The following DPYD variants were observed in gnomAD, a reference collection of about 807,000 sequenced individuals.
DPYD encodes dihydropyrimidine dehydrogenase [NADP(+)].
DPYD carries 109 observed loss-of-function variants against 116.2 expected under a neutral mutation model. The ratio of observed to expected loss-of-function variants is 0.94; its 90% CI spans 0.80 to 1.10. DPYD has a LOEUF of 1.10. Ranked by LOEUF, DPYD falls within the 50% of genes least tolerant of loss-of-function variation. The probability of loss-of-function intolerance (pLI) is 0.00; values close to 1 mark genes in which losing one functional copy is unlikely to be tolerated. For missense variants in DPYD, 1,302 were observed against 1,254.5 expected, an observed-to-expected ratio of 1.04 and a Z score of -0.57; for synonymous variants, 440 against 432.0, an observed-to-expected ratio of 1.02 and a Z score of -0.23.
intron 16 of DPYD, among the ~76,000 whole-genome samples, chr1:97,335,234 C>T (rs1244241499): frequency 1.3e-5 from 2 of 151,402 alleles, no homozygotes; most frequent in Non-Finnish European, 2.9e-5. Context: ...AAACTAAGCT[C>T]ATCAAATTCC....
intron 8 of DPYD, among the ~76,000 whole-genome samples, chr1:97,604,673 C>A (rs1358758960): frequency 6.6e-6 from 1 of 151,984 alleles, no homozygotes; most frequent in Non-Finnish European, 1.5e-5. Flanking sequence ...GTATTACTGT[C>A]ATATTGCTGA....
At chr1:97,218,581 T>G (rs1660570865) in intron 19 of DPYD, among the ~76,000 whole-genome samples, 1 of 150,344 alleles carries the variant, frequency 6.7e-6, no homozygotes. Flanking sequence ...ACATCCTAGA[T>G]CAAACCCAAA....
intron 12 of DPYD, among the ~76,000 whole-genome samples, chr1:97,531,134 T>C (rs1649595582): frequency 6.6e-6 from 1 of 152,220 alleles, no homozygotes; most frequent in Non-Finnish European, 1.5e-5. Context: ...TCTCACTTAA[T>C]CTCCTTTTGC....
intron 20 of DPYD, among the ~76,000 whole-genome samples, chr1:97,146,349 T>C (rs974205879): frequency 4.6e-5 from 7 of 152,182 alleles, no homozygotes; most frequent in Admixed American, 3.9e-4. Context: ...AGGGAAGATA[T>C]TATCGATAAT....
chr1:97,295,551 C>T (rs1209382532), intron 18 of DPYD: 1 of 154,586 alleles, frequency 6.5e-6, no homozygotes, highest in Admixed American at 6.6e-5. Context: ...CCACCTCAGC[C>T]TCAGGAGTAG....
At chr1:97,630,960 C>T (rs992910214) in intron 8 of DPYD, among the ~76,000 whole-genome samples, 1 of 152,094 alleles carries the variant, frequency 6.6e-6, no homozygotes, top group African/African-American at 2.4e-5. Flanking sequence ...GATACTAATA[C>T]TCCTTTGTCT....
At chr1:97,620,922 G>T (rs879504423) in intron 8 of DPYD, among the ~76,000 whole-genome samples, 1 of 151,976 alleles carries the variant, frequency 6.6e-6, no homozygotes, top group Admixed American at 6.6e-5. Context: ...CCTCTTAAGA[G>T]ATTTATCATG....
chr1:97,416,403 A>T (rs1674291913), intron 14 of DPYD, among the ~76,000 whole-genome samples: 1 of 152,232 alleles, frequency 6.6e-6, no homozygotes, highest in Non-Finnish European at 1.5e-5. Flanking sequence ...TCCTTCCAGA[A>T]TCAATGACTG....
intron 18 of DPYD, among the ~76,000 whole-genome samples, chr1:97,283,412 C>G (rs1478721124): frequency 2.6e-5 from 4 of 151,884 alleles, no homozygotes; most frequent in Non-Finnish European, 5.9e-5. Flanking sequence ...TTATGTATGT[C>G]CTTTTTCACC....
At chr1:97,604,899 A>C (rs1655488571) in intron 8 of DPYD, among the ~76,000 whole-genome samples, 1 of 152,120 alleles carries the variant, frequency 6.6e-6, no homozygotes, top group Non-Finnish European at 1.5e-5. Flanking sequence ...GACTATATTA[A>C]AACAGAGTAC....
intron 20 of DPYD, among the ~76,000 whole-genome samples, chr1:97,158,272 G>A (rs979643336): frequency 6.6e-6 from 1 of 151,712 alleles, no homozygotes; most frequent in African/African-American, 2.4e-5. Flanking sequence ...ACACAGGATG[G>A]GAATTTAAAA....
intron 1 of DPYD, among the ~76,000 whole-genome samples, chr1:97,898,219 C>G (rs1673180183): frequency 6.6e-6 from 1 of 151,214 alleles, no homozygotes; most frequent in African/African-American, 2.4e-5. Context: ...TTTACGCAGC[C>G]ATGGGTCATT....
intron 14 of DPYD, among the ~76,000 whole-genome samples, chr1:97,430,829 T>C (rs2101729063): frequency 6.6e-6 from 1 of 152,248 alleles, no homozygotes; most frequent in South Asian, 2.1e-4. Flanking sequence ...AATACAATTT[T>C]ACATCTATAT....
chr1:97,458,424 C>A (rs1676821489), intron 13 of DPYD, among the ~76,000 whole-genome samples: 1 of 152,042 alleles, frequency 6.6e-6, no homozygotes, highest in Non-Finnish European at 1.5e-5. Context: ...CTAAAAGATG[C>A]ATAGCTGTAC....
At chr1:97,457,296 C>T (rs879374689) in intron 13 of DPYD, among the ~76,000 whole-genome samples, 6 of 152,094 alleles carry the variant, frequency 3.9e-5, no homozygotes, top group Non-Finnish European at 8.8e-5. Context: ...TGTTCCTCAC[C>T]TCTTGGATAG....
chr1:97,570,590 T>C (rs1652824919), intron 11 of DPYD, among the ~76,000 whole-genome samples: 1 of 151,966 alleles, frequency 6.6e-6, no homozygotes, highest in Non-Finnish European at 1.5e-5. Context: ...ATTTAATAAA[T>C]ATTATAATTA....
rs1676271095 is a variant in DPYD at position 97,449,373 on chromosome 1, AAG to A, written c.1905+684_1905+685del. Among the ~76,000 whole-genome samples, 3 of 152,050 alleles carry A rather than the reference AAG, an allele frequency of 2.0e-5. No individual in the cohort carries two copies. In the South Asian group the frequency reaches 6.2e-4, roughly 32 times the overall value. ...GAGAATTGAGGAGGAGGGAGGGGAA[AAG>A]AGAGGAAGGATGAGAGAGAGAAAGA... On this transcript the variant is annotated intron_variant, in intron 14 of 22. Transcript: ENST00000370192.
Position 97,141,683 on chromosome 1 carries a change from C to G in DPYD, c.2623-43051G>C, listed in dbSNP as rs954208008. Among the ~76,000 whole-genome samples, 3 of 152,184 alleles carry G rather than the reference C, an allele frequency of 2.0e-5. No homozygotes were observed. In the South Asian group the frequency reaches 6.2e-4, roughly 32 times the overall value. ...TGTTTGTTCATTTTTATCTCTTTTA[C>G]TTAAATATAAGTTCTACAAGGGTAG... On this transcript the variant is annotated intron_variant, in intron 20 of 22. Coordinates refer to ENST00000370192, the MANE Select transcript of DPYD (RefSeq NM_000110.4).
At chr1:97,801,436 AT>A (rs1667838641) in intron 3 of DPYD, among the ~76,000 whole-genome samples, 1 of 151,930 alleles carries the variant, frequency 6.6e-6, no homozygotes, top group Non-Finnish European at 1.5e-5. Flanking sequence ...GTCACTAATT[AT>A]GGCCCTGCCA....
Sources: gnomAD v4.1 joint callset for allele counts (sites outside exome capture counted in the v4.1 genomes callset) on GRCh38, gnomAD v4.1.1 for gene constraint, MANE v1.5 for transcripts, NCBI Gene and HGNC (gene_info 2026-07-23, HGNC 2026-07-21) for gene names.